MICAL3: variants seen among roughly 807,000 people sequenced by gnomAD.
The protein encoded by MICAL3 is [F-actin]-monooxygenase MICAL3.
Under a neutral mutation model 207.4 loss-of-function variants are expected in MICAL3, and 62 were observed. The observed-to-expected ratio is 0.30, with a 90% CI of 0.24 to 0.37. The LOEUF is 0.37. Ranked by LOEUF, MICAL3 falls within the 10% of genes least tolerant of loss-of-function variation. The pLI is 1.00. For synonymous variants in MICAL3, 1,077 were observed against 1,069.3 expected (o/e 1.01, Z -0.14); for missense variants, 2,368 against 2,635.6 (o/e 0.90, Z 2.22).
rs1924678577 is a variant in MICAL3 at position 18,024,504 on chromosome 22, T to G, written c.-298A>C. On this transcript the variant is annotated 5_prime_UTR_variant, in exon 1 of 32. Transcript: ENST00000441493. Reference sequence around the variant, plus strand: ...AGGACGGAGGGCTGCCCCGGGTGCCTGCCTACGCGGGCGCTCCCCGCCGGG... The same window carrying G: ...AGGACGGAGGGCTGCCCCGGGTGCCGGCCTACGCGGGCGCTCCCCGCCGGG... The G allele has an allele frequency of 6.6e-6, 1 of 151,904 alleles. No homozygotes were observed. Among genetic ancestry groups the G allele is most frequent in the Non-Finnish European group, 1.5e-5 (1 of 67,958 alleles). The allele number at this position is 151,904 out of a possible 1,614,324, so 9.4% of individuals were successfully genotyped here.
Position 17,817,107 on chromosome 22 carries a change from C to T in MICAL3, c.5350+204G>A, listed in dbSNP as rs1201197324. Among the ~76,000 whole-genome samples, 4 of 152,306 alleles carry T rather than the reference C, an allele frequency of 2.6e-5. No homozygotes were observed. In the East Asian group the frequency reaches 5.8e-4, roughly 22 times the overall value. On this transcript the variant is annotated intron_variant, in intron 26 of 31. Transcript: ENST00000441493. ...ACAAACCTCCACAGTCTTCCTGGTCCGGTTTCAAGCTGGCTTTGAGAATTC... is the reference window on the plus strand; with the variant it reads ...ACAAACCTCCACAGTCTTCCTGGTCTGGTTTCAAGCTGGCTTTGAGAATTC...
chr22:17,956,782 A>G (rs970241949), intron 1 of MICAL3, among the ~76,000 whole-genome samples: 3 of 152,228 alleles, frequency 2.0e-5, no homozygotes, highest in Admixed American at 2.0e-4. Context: ...GTGGACTCAC[A>G]TGAAGCAGAA....
intron 1 of MICAL3, among the ~76,000 whole-genome samples, chr22:17,939,606 G>A (rs1472029696): frequency 6.6e-6 from 1 of 152,214 alleles, no homozygotes; most frequent in Non-Finnish European, 1.5e-5. Flanking sequence ...TATACCTTAT[G>A]AAGAACAGAC....
chr22:17,814,110 C>G (rs550842697), intron 27 of MICAL3: 21 of 152,266 alleles, frequency 1.4e-4, no homozygotes, highest in African/African-American at 4.3e-4. Flanking sequence ...TGGAGTGGCC[C>G]CAGGATCCTG....
In MICAL3 at chr22:17,788,104, T is replaced by C. The variant is rs991376027; in HGVS notation, c.*2628A>G. The C allele has an allele frequency of 2.0e-5, 3 of 152,282 alleles. No individual in the cohort carries two copies. The highest frequency in any genetic ancestry group is 2.9e-5 in the Non-Finnish European group (2 of 68,052). The allele number at this position is 152,282 out of a possible 1,614,324, so 9.4% of individuals were successfully genotyped here. ...AACCTGCCTGGAGCTGCGCACATTC[T>C]CACAGCTTGAGAACGCTTGACGCAG... On this transcript the variant is annotated 3_prime_UTR_variant, in exon 32 of 32. Transcript: ENST00000441493.
chr22:17,818,450 G>A lies in MICAL3; in HGVS notation c.4211C>T (p.Pro1404Leu), dbSNP rs760595870. ...PEGEPLSLPTPRSPSDRELRS... is the reference protein window; with the variant it reads ...PEGEPLSLPTLRSPSDRELRS... The stretch of plus-strand genomic sequence containing the variant: ...TAGCTCTCTGTCGGACGGGGACCGG[G>A]GGGTTGGCAGGGACAACGGCTCGCC... The change falls in exon 26 of 32, where the codon CCC becomes CTC. Residue 1404 changes from proline to leucine, a missense_variant. Physicochemically the swap from Pro to Leu is moderately conservative, Grantham distance 98. Coordinates refer to ENST00000441493, the MANE Select transcript of MICAL3 (RefSeq NM_015241.3). The A allele has an allele frequency of 7.4e-6, 12 of 1,612,978 alleles. No homozygotes were observed. The highest frequency in any genetic ancestry group is 1.0e-5 in the Non-Finnish European group (12 of 1,179,880).
intron 19 of MICAL3, among the ~76,000 whole-genome samples, chr22:17,847,859 C>T (rs552519127): frequency 6.6e-6 from 1 of 152,180 alleles, no homozygotes; most frequent in African/African-American, 2.4e-5. Context: ...GGAATAGGGT[C>T]TCGCTATGTT....
intron 19 of MICAL3, among the ~76,000 whole-genome samples, chr22:17,849,650 G>C (rs1214201341): frequency 1.1e-5 from 1 of 92,848 alleles, no homozygotes; most frequent in Non-Finnish European, 2.1e-5. Context: ...TGGAATGTGT[G>C]TGTGTGTGTG....
rs1228793541 is a variant in MICAL3 at position 17,791,315 on chromosome 22, G to A, written c.5651-14C>T. 14 of 1,607,750 alleles carry A rather than the reference G, an allele frequency of 8.7e-6. No individual in the cohort carries two copies. Among genetic ancestry groups the A allele is most frequent in the African/African-American group, 1.3e-5 (1 of 74,812 alleles). ...TCTTGCCCATGCCTGCCGAGAGAAC[G>A]CTTGTGTCGGGTGCAGGGAGTGCCG... On this transcript the variant is annotated splice_polypyrimidine_tract_variant and intron_variant, in intron 29 of 31. Coordinates refer to ENST00000441493, the MANE Select transcript of MICAL3 (RefSeq NM_015241.3).
chr22:17,949,529 G>C (rs966845488), intron 1 of MICAL3, among the ~76,000 whole-genome samples: 1 of 152,136 alleles, frequency 6.6e-6, no homozygotes, highest in Non-Finnish European at 1.5e-5. Flanking sequence ...TGCCTTACCT[G>C]GTGGATTCAA....
rs958277289 is a variant in MICAL3, at chr22:17,796,884, A to C, written c.5651-5583T>G. Among the ~76,000 whole-genome samples, 5 of 152,222 alleles carry C rather than the reference A, an allele frequency of 3.3e-5. No individual in the cohort carries two copies. The highest frequency in any genetic ancestry group is 5.9e-5 in the Non-Finnish European group (4 of 68,034). ...CCAGGCCCTGCCTCTCATGGGCCCA[A>C]GACCCAGTGTGGGGTAGAATGGCCA... On this transcript the variant is annotated intron_variant, in intron 29 of 31. Transcript: ENST00000441493. The surrounding 1 kb of genome is among the most constrained non-coding windows in gnomAD (Gnocchi z 4.4).
At chr22:17,921,097 T>C (rs1340611430) in intron 1 of MICAL3, among the ~76,000 whole-genome samples, 1 of 152,128 alleles carries the variant, frequency 6.6e-6, no homozygotes, top group Non-Finnish European at 1.5e-5. Context: ...ACCATGGCAA[T>C]GTAAGTTGAC....
intron 1 of MICAL3, among the ~76,000 whole-genome samples, chr22:17,931,199 C>A (rs545700650): frequency 1.6e-4 from 25 of 152,322 alleles, no homozygotes; most frequent in Middle Eastern, 3.4e-3. Context: ...CCTGACTAAA[C>A]CCTGCTGGGT....
chr22:17,845,315 G>T (rs745908131), intron 19 of MICAL3, among the ~76,000 whole-genome samples: 1 of 152,174 alleles, frequency 6.6e-6, no homozygotes, highest in Non-Finnish European at 1.5e-5. Flanking sequence ...TCCAAGAGGC[G>T]TCTGTTTGAC....
At chr22:17,929,226 G>A (rs2146313679) in intron 1 of MICAL3, among the ~76,000 whole-genome samples, 1 of 149,140 alleles carries the variant, frequency 6.7e-6, no homozygotes, top group Non-Finnish European at 1.5e-5. Context: ...AGCCTCCCAA[G>A]TAGATGGAAC....
intron 29 of MICAL3, among the ~76,000 whole-genome samples, chr22:17,800,321 T>C (rs1181407713): frequency 6.6e-6 from 1 of 152,214 alleles, no homozygotes; most frequent in Non-Finnish European, 1.5e-5. Flanking sequence ...TTCTTCTAGA[T>C]TTCCAGTCAT....
chr22:17,791,687 A>G lies in MICAL3; in HGVS notation c.5651-386T>C, dbSNP rs1219984025. 3 of 221,924 alleles carry G rather than the reference A, an allele frequency of 1.4e-5. No individual in the cohort carries two copies. In the Admixed American group the frequency reaches 1.5e-4, roughly 11 times the overall value. The allele number at this position is 221,924 out of a possible 1,614,324, so 13.7% of individuals were successfully genotyped here. A position where few individuals can be genotyped will look rare whatever the true frequency, so the allele number is the denominator to read the frequency against. On this transcript the variant is annotated intron_variant, in intron 29 of 31. Transcript: ENST00000441493. ...CTCCTTGGAGGAAACCCGTCTTGTT[A>G]AACGAGACAAATGTGAATTTGTAAA...
intron 1 of MICAL3, among the ~76,000 whole-genome samples, chr22:18,017,122 C>A (rs1203392297): frequency 6.6e-6 from 1 of 152,166 alleles, no homozygotes; most frequent in East Asian, 1.9e-4. Context: ...TCCAAAGGCC[C>A]AAGTCAGTCC....
At chr22:17,898,891 G>A (rs1034111200) in intron 7 of MICAL3, among the ~76,000 whole-genome samples, 2 of 152,134 alleles carry the variant, frequency 1.3e-5, no homozygotes, top group Non-Finnish European at 2.9e-5. Flanking sequence ...GATCCTGTCA[G>A]TGCTGCCTGG....
Sources: allele counts gnomAD v4.1 joint callset (sites outside exome capture counted in the v4.1 genomes callset), GRCh38; gene constraint gnomAD v4.1.1; non-coding constraint Gnocchi (gnomAD v3.1); transcripts MANE v1.5; gene names NCBI Gene and HGNC (gene_info 2026-07-23, HGNC 2026-07-21).